SMAP1: variants seen among roughly 807,000 people sequenced by gnomAD.
SMAP1 encodes the protein stromal membrane-associated protein 1.
A neutral mutation model predicts 58.5 loss-of-function variants in SMAP1; 24 were observed. The ratio of observed to expected loss-of-function variants is 0.41; its 90% CI spans 0.30 to 0.58. The LOEUF (loss-of-function observed/expected upper bound fraction) is 0.58. Ranked by LOEUF, SMAP1 falls within the 20% of genes least tolerant of loss-of-function variation. SMAP1 has a pLI of 0.29. For missense variants in SMAP1, 563 were observed against 566.3 expected (o/e 0.99, Z 0.06); for synonymous variants, 216 against 196.6 (o/e 1.10, Z -0.82).
intron 1 of SMAP1, among the ~76,000 whole-genome samples, chr6:70,686,636 A>G (rs970344417): frequency 3.3e-5 from 5 of 152,242 alleles, no homozygotes; most frequent in African/African-American, 1.2e-4. Flanking sequence ...TTCTTTTTGT[A>G]TAAATGAATA....
At position 70,861,474 on chromosome 6, in the gene SMAP1, G is replaced by T. The variant is rs879580497; in HGVS notation, c.*1140G>T. 74 of 589,584 alleles carry T rather than the reference G, an allele frequency of 1.3e-4. No individual in the cohort carries two copies. The highest frequency in any genetic ancestry group is 7.2e-4 in the Admixed American group (24 of 33,366). 36.5% of individuals were successfully genotyped at this position (589,584 alleles called of 1,614,324 possible). A position where few individuals can be genotyped will look rare whatever the true frequency, so the allele number is the denominator to read the frequency against. ...CAAATGAAGACAAAACATACATTTT[G>T]TACCAACCATCCAATTAGCTTATGT... On this transcript the variant is annotated 3_prime_UTR_variant, in exon 11 of 11. Coordinates refer to ENST00000370455, the MANE Select transcript of SMAP1 (RefSeq NM_001044305.3).
intron 3 of SMAP1, among the ~76,000 whole-genome samples, chr6:70,755,973 T>C (rs1173462529): frequency 6.6e-6 from 1 of 152,058 alleles, no homozygotes; most frequent in Non-Finnish European, 1.5e-5. Flanking sequence ...TGAATCCACC[T>C]TTATGAGTGG....
At chr6:70,739,618 G>C (rs1026755079) in intron 2 of SMAP1, among the ~76,000 whole-genome samples, 1 of 151,954 alleles carries the variant, frequency 6.6e-6, no homozygotes, top group South Asian at 2.1e-4. Context: ...TTTTGTTTCA[G>C]TGAAGTTTTT....
chr6:70,671,184 G>GT (rs34308540), intron 1 of SMAP1, among the ~76,000 whole-genome samples: 411 of 148,096 alleles, frequency 2.8e-3, no homozygotes, highest in Middle Eastern at 0.014. Flanking sequence ...TTTGATTTTT[G>GT]TTTTTTTTTT....
chr6:70,860,461 C>A lies in SMAP1; in HGVS notation c.*127C>A. On this transcript the variant is annotated 3_prime_UTR_variant, in exon 11 of 11. Coordinates refer to ENST00000370455, the MANE Select transcript of SMAP1 (RefSeq NM_001044305.3). The stretch of plus-strand genomic sequence containing the variant: ...CCCATTTGTTCATATTAAGAATGAT[C>A]TGATTGACCGTGTTGGTCTGTACTG... The A allele has an allele frequency of 3.5e-6, 4 of 1,146,830 alleles. No individual in the cohort carries two copies. The highest frequency in any genetic ancestry group is 3.0e-5 in the Admixed American group (1 of 32,858). The allele number at this position is 1,146,830 out of a possible 1,614,324, so 71.0% of individuals were successfully genotyped here.
At chr6:70,791,622 G>A in intron 4 of SMAP1, 67 bp from the exon 5 acceptor site, 1 of 1,333,366 alleles carries the variant, frequency 7.5e-7, no homozygotes, top group Non-Finnish European at 1.1e-6. Flanking sequence ...TTTCTTTCCT[G>A]TGCCTGTCAA....
At chr6:70,728,974 T>A (rs1765298178) in intron 1 of SMAP1, among the ~76,000 whole-genome samples, 1 of 152,214 alleles carries the variant, frequency 6.6e-6, no homozygotes, top group African/African-American at 2.4e-5. Context: ...ACTCTTGACT[T>A]CTTTGGAATA....
chr6:70,767,852 G>T (rs1390277652), intron 3 of SMAP1, among the ~76,000 whole-genome samples: 1 of 140,220 alleles, frequency 7.1e-6, no homozygotes, highest in Non-Finnish European at 1.5e-5. Flanking sequence ...AATGCTTCCA[G>T]TTTTTGCCCA....
At chr6:70,826,950 AAAAAAAAAAAG>A (rs1770152073) in intron 6 of SMAP1, among the ~76,000 whole-genome samples, 2 of 150,904 alleles carry the variant, frequency 1.3e-5, no homozygotes, top group South Asian at 4.2e-4. Context: ...AAAAAAAAAA[AAAAAAAAAAAG>A]AAAAAGAAAA....
intron 6 of SMAP1, among the ~76,000 whole-genome samples, chr6:70,817,140 T>TATA (rs1554205797): frequency 1.4e-5 from 2 of 140,966 alleles, no homozygotes; most frequent in East Asian, 2.0e-4. Flanking sequence ...ATATATATAT[T>TATA]TTTTTTTTGC....
chr6:70,775,526 A>G (rs1284506722), intron 4 of SMAP1, among the ~76,000 whole-genome samples: 4 of 152,186 alleles, frequency 2.6e-5, no homozygotes, highest in African/African-American at 9.7e-5. Context: ...ATTAAATGTT[A>G]TGATACCTAA....
At chr6:70,785,593 G>T (rs1052578683) in intron 4 of SMAP1, among the ~76,000 whole-genome samples, 12 of 152,036 alleles carry the variant, frequency 7.9e-5, no homozygotes, top group Non-Finnish European at 1.8e-4. Flanking sequence ...GAATCAAATA[G>T]ACGCAATAAA....
intron 4 of SMAP1, among the ~76,000 whole-genome samples, chr6:70,790,656 A>C (rs1768309447): frequency 6.6e-6 from 1 of 152,208 alleles, no homozygotes; most frequent in East Asian, 1.9e-4. Context: ...CCTGAAGTTT[A>C]TAGTCTTGTG....
chr6:70,805,066 G>A (rs1006267148), intron 6 of SMAP1, among the ~76,000 whole-genome samples: 2 of 152,000 alleles, frequency 1.3e-5, no homozygotes, highest in South Asian at 2.1e-4. Context: ...GGTTGGGTAC[G>A]TTCTCCTGGA....
intron 1 of SMAP1, among the ~76,000 whole-genome samples, chr6:70,684,820 C>T (rs1420204580): frequency 6.6e-6 from 1 of 152,162 alleles, no homozygotes; most frequent in Non-Finnish European, 1.5e-5. Flanking sequence ...TTAGTAGTCA[C>T]TGCTCTTCTC....
intron 4 of SMAP1, among the ~76,000 whole-genome samples, chr6:70,784,686 A>C (rs554855961): frequency 4.4e-4 from 67 of 152,298 alleles, no homozygotes; most frequent in South Asian, 1.7e-3. Context: ...CAAACCAACA[A>C]AGATCAAAAG....
intron 6 of SMAP1, among the ~76,000 whole-genome samples, chr6:70,814,427 T>G (rs12211207): frequency 2.6e-5 from 4 of 151,962 alleles, no homozygotes; most frequent in Admixed American, 2.6e-4. Context: ...AATAATCTTA[T>G]AGAGACTACT....
At chr6:70,821,922 A>G (rs941414509) in intron 6 of SMAP1, among the ~76,000 whole-genome samples, 3 of 152,154 alleles carry the variant, frequency 2.0e-5, no homozygotes, top group Non-Finnish European at 4.4e-5. Context: ...TTCTTCATGG[A>G]ATTTCTAAAA....
rs140341709 is a variant in SMAP1 at position 70,743,712 on chromosome 6, CT to C, written c.252+11206del. Among the ~76,000 whole-genome samples the C allele has an allele frequency of 3.7e-3, 563 of 152,278 alleles. 6 individuals are homozygous for C. The highest frequency in any genetic ancestry group is 0.013 in the African/African-American group (530 of 41,562). ...ATTAGGGCCTCAGGTATATGCTTAA[CT>C]TTTTAAGTTAATTGAGATTCAGTTG... On this transcript the variant is annotated intron_variant, in intron 2 of 10. Transcript: ENST00000370455.
Sources: allele counts gnomAD v4.1 joint callset (sites outside exome capture counted in the v4.1 genomes callset), GRCh38; gene constraint gnomAD v4.1.1; transcripts MANE v1.5; gene names NCBI Gene and HGNC (gene_info 2026-07-23, HGNC 2026-07-21).